Variants in PDZRN4 observed in about 807,000 individuals in gnomAD.
The protein encoded by PDZRN4 is PDZ domain containing ring finger 4.
In PDZRN4, 70 loss-of-function variants were observed where a neutral mutation model predicts 99.0. The observed-to-expected ratio is 0.71, with a 90% CI of 0.58 to 0.86. The LOEUF is 0.86. Among genes scored for constraint, PDZRN4 ranks in the 40% least tolerant of loss-of-function variants. PDZRN4 has a pLI of 0.00. For missense variants in PDZRN4, 1,474 were observed against 1,331.2 expected (o/e 1.11, Z -1.67); for synonymous variants, 551 against 501.6 (o/e 1.10, Z -1.32).
chr12:41,255,882 G>C (rs1591986949), intron 3 of PDZRN4, among the ~76,000 whole-genome samples: 1 of 152,252 alleles, frequency 6.6e-6, no homozygotes, highest in African/African-American at 2.4e-5. Context: ...TGAATTAACA[G>C]AGCAAGAACT....
intron 3 of PDZRN4, among the ~76,000 whole-genome samples, chr12:41,394,373 A>G (rs887679145): frequency 6.6e-6 from 1 of 152,214 alleles, no homozygotes; most frequent in East Asian, 1.9e-4. Context: ...GCCTTCTAAG[A>G]GATACAGGTA....
chr12:41,378,714 G>A (rs1002661123), intron 3 of PDZRN4, among the ~76,000 whole-genome samples: 2 of 151,814 alleles, frequency 1.3e-5, no homozygotes, highest in African/African-American at 4.8e-5. Flanking sequence ...GTAGAGATGG[G>A]GTTTCACCAC....
At chr12:41,389,548 G>T (rs1952194772) in intron 3 of PDZRN4, among the ~76,000 whole-genome samples, 1 of 152,096 alleles carries the variant, frequency 6.6e-6, no homozygotes, top group South Asian at 2.1e-4. Context: ...ACTTTAGTCT[G>T]TCTTAATTTT....
At chr12:41,324,949 A>C (rs192348468) in intron 3 of PDZRN4, among the ~76,000 whole-genome samples, 2 of 152,288 alleles carry the variant, frequency 1.3e-5, no homozygotes, top group Admixed American at 1.3e-4. Context: ...ATTTGAAATT[A>C]CATATGTGGC....
At chr12:41,363,406 A>T (rs961762730) in intron 3 of PDZRN4, among the ~76,000 whole-genome samples, 6 of 152,282 alleles carry the variant, frequency 3.9e-5, no homozygotes, top group Admixed American at 3.9e-4. Flanking sequence ...CAGACAAAAT[A>T]AACAACACTG....
At chr12:41,466,620 GT>G (rs1307916851) in intron 3 of PDZRN4, among the ~76,000 whole-genome samples, 18 of 151,988 alleles carry the variant, frequency 1.2e-4, no homozygotes, top group Non-Finnish European at 2.4e-4. Context: ...AAATAATTAT[GT>G]TTGCATTAAA....
intron 3 of PDZRN4, among the ~76,000 whole-genome samples, chr12:41,361,439 G>C (rs1951962994): frequency 6.6e-6 from 1 of 152,012 alleles, no homozygotes. Flanking sequence ...GAGCTTGCTT[G>C]TTATGAGTTA....
intron 3 of PDZRN4, among the ~76,000 whole-genome samples, chr12:41,208,726 A>T (rs1950867187): frequency 6.6e-6 from 1 of 151,964 alleles, no homozygotes; most frequent in Non-Finnish European, 1.5e-5. Flanking sequence ...TTTCTTAAAA[A>T]TAACTCAATA....
At chr12:41,268,072 T>G (rs1385779718) in intron 3 of PDZRN4, among the ~76,000 whole-genome samples, 1 of 152,206 alleles carries the variant, frequency 6.6e-6, no homozygotes, top group Non-Finnish European at 1.5e-5. Flanking sequence ...ATACTATGCA[T>G]AGGTTTCTGT....
intron 3 of PDZRN4, among the ~76,000 whole-genome samples, chr12:41,230,435 A>G (rs1951021010): frequency 1.3e-5 from 2 of 152,092 alleles, no homozygotes; most frequent in South Asian, 4.1e-4. Flanking sequence ...TTCTGTTAAA[A>G]TACAAAACAA....
intron 3 of PDZRN4, among the ~76,000 whole-genome samples, chr12:41,274,085 A>AT (rs532013566): frequency 2.0e-5 from 3 of 152,004 alleles, no homozygotes; most frequent in Admixed American, 1.3e-4. Context: ...GACATTATAT[A>AT]TTTTTTTCAT....
intron 3 of PDZRN4, among the ~76,000 whole-genome samples, chr12:41,451,236 A>G (rs1258539440): frequency 1.3e-5 from 2 of 152,128 alleles, no homozygotes; most frequent in Admixed American, 6.5e-5. Context: ...GGCTTAATTT[A>G]ATCTTTTTCA....
intron 3 of PDZRN4, among the ~76,000 whole-genome samples, chr12:41,295,177 A>T (rs1158185030): frequency 6.6e-6 from 1 of 152,128 alleles, no homozygotes; most frequent in African/African-American, 2.4e-5. Context: ...AGAACTTCAG[A>T]AGTTTATCTT....
intron 3 of PDZRN4, among the ~76,000 whole-genome samples, chr12:41,232,140 G>A (rs1201942794): frequency 6.6e-6 from 1 of 151,952 alleles, no homozygotes; most frequent in Non-Finnish European, 1.5e-5. Flanking sequence ...GAACCACTGA[G>A]ATTATAAATC....
chr12:41,519,723 T>C (rs535367559), intron 5 of PDZRN4, among the ~76,000 whole-genome samples: 70 of 152,130 alleles, frequency 4.6e-4, no homozygotes, highest in Non-Finnish European at 8.4e-4. Flanking sequence ...TTCATGCCAG[T>C]TTTGTGCTTC....
intron 3 of PDZRN4, among the ~76,000 whole-genome samples, chr12:41,206,058 A>G (rs1950848300): frequency 6.6e-6 from 1 of 151,920 alleles, no homozygotes. Context: ...GTAGCATTTC[A>G]CTATATGACT....
intron 3 of PDZRN4, among the ~76,000 whole-genome samples, chr12:41,361,971 T>G (rs1409912769): frequency 6.6e-6 from 1 of 152,044 alleles, no homozygotes; most frequent in South Asian, 2.1e-4. Context: ...AGCCATTTGT[T>G]GGCATTATCA....
At chr12:41,509,719 C>A in intron 4 of PDZRN4, 92 bp from the exon 5 acceptor site, 1 of 647,756 alleles carries the variant, frequency 1.5e-6, no homozygotes, top group Non-Finnish European at 2.7e-6. Context: ...TATTCCAAAG[C>A]AGAGCAAACT....
chr12:41,303,381 C>T (rs2120934740), intron 3 of PDZRN4, among the ~76,000 whole-genome samples: 1 of 152,264 alleles, frequency 6.6e-6, no homozygotes, highest in Non-Finnish European at 1.5e-5. Flanking sequence ...TGTATGATCT[C>T]ATGCCTACGG....
Sources: allele counts gnomAD v4.1 joint callset (sites outside exome capture counted in the v4.1 genomes callset), GRCh38; gene constraint gnomAD v4.1.1; transcripts MANE v1.5; gene names NCBI Gene and HGNC (gene_info 2026-07-23, HGNC 2026-07-21).